The following MYOF variants were observed in gnomAD, a reference collection of about 807,000 sequenced individuals.
MYOF encodes the protein fer-1-like 3, myoferlin.
A neutral mutation model predicts 284.2 loss-of-function variants in MYOF; 244 were observed. The ratio of observed to expected loss-of-function variants is 0.86; its 90% CI spans 0.77 to 0.95. MYOF has a LOEUF of 0.95. Among genes scored for constraint, MYOF ranks in the 40% least tolerant of loss-of-function variants. MYOF has a pLI of 0.00. For missense variants in MYOF, 2,496 were observed against 2,560.6 expected (o/e 0.97, Z 0.54); for synonymous variants, 904 against 919.7 (o/e 0.98, Z 0.31).
chr10:93,374,612 C>G (rs2133976573), intron 23 of MYOF, 151 bp downstream of exon 23: 2 of 712,880 alleles, frequency 2.8e-6, no homozygotes, highest in Middle Eastern at 8.0e-4. Context: ...GCATCCTCAG[C>G]CCAGTTACTC....
intron 17 of MYOF, among the ~76,000 whole-genome samples, chr10:93,391,679 C>T (rs890614985): frequency 3.9e-5 from 6 of 152,126 alleles, no homozygotes; most frequent in African/African-American, 7.2e-5. Context: ...TTTCCTAGTC[C>T]GTTTAATGCA....
intron 3 of MYOF, among the ~76,000 whole-genome samples, chr10:93,443,045 C>T (rs979622912): frequency 2.6e-5 from 4 of 152,050 alleles, no homozygotes; most frequent in Non-Finnish European, 5.9e-5. Flanking sequence ...GCCTGTAATT[C>T]CAGCTACTCC....
intron 5 of MYOF, among the ~76,000 whole-genome samples, chr10:93,416,887 T>C (rs1302764963): frequency 6.6e-6 from 1 of 152,172 alleles, no homozygotes; most frequent in African/African-American, 2.4e-5. Flanking sequence ...CGTGAGCCAC[T>C]GCACCCGGCC....
At position 93,306,534 on chromosome 10, in the gene MYOF, T is replaced by TAAC. The variant is rs1842103928; in HGVS notation, c.*426_*428dup. 1 of 163,042 alleles carries TAAC rather than the reference T, an allele frequency of 6.1e-6. No homozygotes were observed. Among genetic ancestry groups the TAAC allele is most frequent in the Non-Finnish European group, 1.3e-5 (1 of 75,782 alleles). The allele number at this position is 163,042 out of a possible 1,614,324, so 10.1% of individuals were successfully genotyped here. On this transcript the variant is annotated 3_prime_UTR_variant, in exon 54 of 54. Transcript: ENST00000359263. Reference sequence around the variant, plus strand: ...TTGTGGGCATAAATAAGAATTGTTCTAACTATTCTAACTGATTTTATAATG... The same window carrying TAAC: ...TTGTGGGCATAAATAAGAATTGTTCTAACAACTATTCTAACTGATTTTATAATG...
intron 24 of MYOF, among the ~76,000 whole-genome samples, chr10:93,370,604 T>C (rs532766197): frequency 2.8e-4 from 42 of 152,184 alleles, no homozygotes; most frequent in African/African-American, 9.4e-4. Flanking sequence ...CGTACACCAC[T>C]GTGCCCAGCC....
chr10:93,437,148 CA>C (rs1334983144), intron 3 of MYOF, among the ~76,000 whole-genome samples: 1 of 152,102 alleles, frequency 6.6e-6, no homozygotes, highest in African/African-American at 2.4e-5. Context: ...AAATATTACA[CA>C]ATGGGAGCAA....
intron 22 of MYOF, among the ~76,000 whole-genome samples, chr10:93,376,008 A>G (rs891316235): frequency 5.3e-5 from 8 of 152,154 alleles, no homozygotes; most frequent in African/African-American, 1.9e-4. Flanking sequence ...ACTCACTTGA[A>G]TTTCACCTAG....
At position 93,381,200 on chromosome 10, in the gene MYOF, C is replaced by A; in HGVS notation, c.1876+19G>T. The A allele has an allele frequency of 6.2e-7, 1 of 1,613,530 alleles. No homozygotes were observed. Among genetic ancestry groups the A allele is most frequent in the South Asian group, 1.1e-5 (1 of 90,998 alleles). ...ACCCATTGTAAACGTGTGGAGAGAACTGTTAGTGCCAATCTTACCATCAAA... is the reference window on the plus strand; with the variant it reads ...ACCCATTGTAAACGTGTGGAGAGAAATGTTAGTGCCAATCTTACCATCAAA... On this transcript the variant is annotated intron_variant, in intron 20 of 53. Transcript: ENST00000359263.
intron 1 of MYOF, among the ~76,000 whole-genome samples, chr10:93,481,217 CT>C (rs2134424301): frequency 6.6e-6 from 1 of 152,056 alleles, no homozygotes; most frequent in East Asian, 1.9e-4. Context: ...TACCATGAGC[CT>C]TTTATTTTTA....
At chr10:93,311,455 C>A (rs369306191) in intron 51 of MYOF, among the ~76,000 whole-genome samples, 186 of 129,524 alleles carry the variant, frequency 1.4e-3, no homozygotes, top group Middle Eastern at 4.1e-3. Flanking sequence ...ACTAAAAATA[C>A]AAAAAAAAAA....
chr10:93,372,916 G>C lies in MYOF; in HGVS notation c.2457+14C>G. On this transcript the variant is annotated intron_variant, in intron 24 of 53. Transcript: ENST00000359263. ...CATTTAGTGTGTTTCACATGACACAGTGAAGATATGTACCTTCAGAAAGAT... is the reference window on the plus strand; with the variant it reads ...CATTTAGTGTGTTTCACATGACACACTGAAGATATGTACCTTCAGAAAGAT... 1 of 1,613,852 alleles carries C rather than the reference G, an allele frequency of 6.2e-7. No individual in the cohort carries two copies. The highest frequency in any genetic ancestry group is 8.5e-7 in the Non-Finnish European group (1 of 1,179,708).
intron 16 of MYOF, among the ~76,000 whole-genome samples, chr10:93,394,535 A>C (rs960146161): frequency 3.9e-5 from 5 of 127,070 alleles, no homozygotes; most frequent in Admixed American, 1.0e-4. Context: ...ATCTCGGCTC[A>C]CTGCAAGCTC....
chr10:93,395,777 AC>A (rs913545129), intron 16 of MYOF, among the ~76,000 whole-genome samples: 2 of 151,734 alleles, frequency 1.3e-5, no homozygotes, highest in African/African-American at 4.9e-5. Context: ...GGTCAATGCC[AC>A]TCTAAAAAAT....
At chr10:93,321,537 G>A (rs574358252) in intron 48 of MYOF, among the ~76,000 whole-genome samples, 31 of 150,690 alleles carry the variant, frequency 2.1e-4, no homozygotes, top group Admixed American at 8.0e-4. Flanking sequence ...GACTGCAGGC[G>A]TAAGCCACCA....
At chr10:93,406,292 A>T (rs1443443116) in intron 7 of MYOF, among the ~76,000 whole-genome samples, 2 of 74,824 alleles carry the variant, frequency 2.7e-5, no homozygotes, top group East Asian at 5.9e-4. Flanking sequence ...CCTCTTTTAT[A>T]TATATATATA....
intron 24 of MYOF, 127 bp from the exon 25 acceptor site, chr10:93,369,903 A>T (rs780013933): frequency 1.7e-6 from 2 of 1,201,816 alleles, no homozygotes; most frequent in Non-Finnish European, 2.3e-6. Context: ...TGTTTGCTTC[A>T]GTTAAAACAT....
chr10:93,392,825 CA>C (rs574711135), intron 17 of MYOF, 91 bp downstream of exon 17: 494 of 1,220,142 alleles, frequency 4.0e-4, no homozygotes, highest in African/African-American at 1.1e-3. Context: ...AGCAAAATGT[CA>C]AAAAAAAGTT....
In MYOF at chr10:93,378,693, G is replaced by GTGTGTGTGTGTA; in HGVS notation, c.2001+1169_2001+1170insTACACACACACA. Among the ~76,000 whole-genome samples, 49 of 87,888 alleles carry GTGTGTGTGTGTA rather than the reference G, an allele frequency of 5.6e-4. 2 individuals are homozygous for GTGTGTGTGTGTA. The highest frequency in any genetic ancestry group is 2.3e-3 in the African/African-American group (48 of 20,792). 57.7% of individuals were successfully genotyped at this position (87,888 alleles called of 152,430 possible). ...TATGTGTGTGTGTATGTGTGTGTGT[G>GTGTGTGTGTGTA]TATATATATATATATATATATATGT... is the stretch of plus-strand genomic sequence containing the variant. On this transcript the variant is annotated intron_variant, in intron 21 of 53. Transcript: ENST00000359263.
chr10:93,378,711 A>G (rs1375866954), intron 21 of MYOF, among the ~76,000 whole-genome samples: 12 of 136,816 alleles, frequency 8.8e-5, no homozygotes, highest in African/African-American at 3.0e-4. Flanking sequence ...ATATATATAT[A>G]TATATGTATA....
Sources: gnomAD v4.1 joint callset for allele counts (sites outside exome capture counted in the v4.1 genomes callset) on GRCh38, gnomAD v4.1.1 for gene constraint, MANE v1.5 for transcripts, NCBI Gene and HGNC (gene_info 2026-07-23, HGNC 2026-07-21) for gene names.